The following RCC2 variants were observed in gnomAD, a reference collection of about 807,000 sequenced individuals.
The protein encoded by RCC2 is protein RCC2.
In RCC2, 19 loss-of-function variants were observed where a neutral mutation model predicts 64.1. The ratio of observed to expected loss-of-function variants is 0.30; its 90% CI spans 0.21 to 0.44. RCC2 has a LOEUF of 0.44. Ranked by LOEUF, RCC2 falls within the 20% of genes least tolerant of loss-of-function variation. The pLI is 1.00. For synonymous variants in RCC2, 325 were observed against 279.6 expected, an observed-to-expected ratio of 1.16 and a Z score of -1.62; for missense variants, 508 against 710.4, an observed-to-expected ratio of 0.72 and a Z score of 3.24.
At chr1:17,430,785 G>A (rs942707365) in intron 2 of RCC2, among the ~76,000 whole-genome samples, 1 of 151,784 alleles carries the variant, frequency 6.6e-6, no homozygotes, top group Non-Finnish European at 1.5e-5. Context: ...CTGGAGTGCA[G>A]TGGCGTGATC....
chr1:17,411,240 G>A (rs1466587860), intron 11 of RCC2, among the ~76,000 whole-genome samples: 1 of 151,976 alleles, frequency 6.6e-6, no homozygotes, highest in South Asian at 2.1e-4. Flanking sequence ...AGGCAGATCA[G>A]GATGCACTCC....
intron 8 of RCC2, among the ~76,000 whole-genome samples, chr1:17,415,355 T>C (rs796791025): frequency 3.3e-5 from 5 of 152,102 alleles, no homozygotes; most frequent in South Asian, 4.1e-4. Flanking sequence ...CAACAAAGCA[T>C]AGAACAAAGA....
At chr1:17,412,507 A>G (rs992765209) in intron 10 of RCC2, among the ~76,000 whole-genome samples, 4 of 152,242 alleles carry the variant, frequency 2.6e-5, no homozygotes, top group African/African-American at 9.6e-5. Context: ...AGATCAGGAT[A>G]AAGTGAAAGC....
rs771957549 is a variant in RCC2 at position 17,422,777 on chromosome 1, G to A, written c.583C>T (p.Leu195Phe). The change falls in exon 5 of 13, where the codon CTC becomes TTC. Residue 195 changes from leucine (L) to phenylalanine (F), a missense_variant. By Grantham distance (22) the Leu-to-Phe change is conservative (BLOSUM62 0). Around this residue, in one of 4 missense-constraint regions of RCC2, gnomAD observed 132 missense variants for 207.3 expected, o/e 0.64. Coordinates refer to ENST00000375436, the MANE Select transcript of RCC2 (RefSeq NM_018715.4). Reference protein sequence around the residue: ...GDTKRVEAPRLIEGLSHEVIV... With the variant: ...GDTKRVEAPRFIEGLSHEVIV... ...ACTTCGTGGCTAAGACCCTCGATGA[G>A]TCTAGGGGCTTCTACTCTCTTGGTG... is the stretch of plus-strand genomic sequence containing the variant. 5.6e-6 allele frequency: 9 copies of A among 1,613,944 alleles called. No homozygotes were observed. Among genetic ancestry groups the A allele is most frequent in the Non-Finnish European group, 6.8e-6 (8 of 1,179,948 alleles).
At chr1:17,415,403 G>A (rs531146293) in intron 8 of RCC2, among the ~76,000 whole-genome samples, 1 of 152,290 alleles carries the variant, frequency 6.6e-6, no homozygotes, top group East Asian at 1.9e-4. Context: ...ACCACAGGAA[G>A]GCCATTAAAA....
At chr1:17,435,791 G>A (rs1051289060) in intron 2 of RCC2, among the ~76,000 whole-genome samples, 2 of 152,028 alleles carry the variant, frequency 1.3e-5, no homozygotes, top group Non-Finnish European at 1.5e-5. Flanking sequence ...GGTGGTGGGC[G>A]TCTATAATCC....
chr1:17,437,041 T>C (rs560394787), intron 2 of RCC2, among the ~76,000 whole-genome samples: 8 of 152,324 alleles, frequency 5.3e-5, no homozygotes, highest in African/African-American at 1.9e-4. Flanking sequence ...ACAAAGCATA[T>C]TCCCATGTGC....
At chr1:17,431,378 A>G (rs1427022098) in intron 2 of RCC2, among the ~76,000 whole-genome samples, 7 of 109,276 alleles carry the variant, frequency 6.4e-5, no homozygotes, top group African/African-American at 2.4e-4. Flanking sequence ...ATATATATAT[A>G]TATGTGGGCT....
rs992452342 is a variant in RCC2 at position 17,407,564 on chromosome 1, G to A, written c.*1526C>T. On this transcript the variant is annotated 3_prime_UTR_variant, in exon 13 of 13. Transcript: ENST00000375436. ...TCTCCTCCCACAGGGCCTTGGGACT[G>A]GCAGGACAGACACTGCTACATGCCC... 1 of 152,606 alleles carries A rather than the reference G, an allele frequency of 6.6e-6. No individual in the cohort carries two copies. The highest frequency in any genetic ancestry group is 2.4e-5 in the African/African-American group (1 of 41,452). The allele number at this position is 152,606 out of a possible 1,614,324, so 9.5% of individuals were successfully genotyped here. A position where few individuals can be genotyped will look rare whatever the true frequency, so the allele number is the denominator to read the frequency against.
At chr1:17,415,886 T>C (rs1193473521) in intron 8 of RCC2, among the ~76,000 whole-genome samples, 1 of 151,248 alleles carries the variant, frequency 6.6e-6, no homozygotes, top group Admixed American at 6.6e-5. Context: ...CTGACCAACA[T>C]GGAGAAACCC....
At chr1:17,425,422 A>C in intron 4 of RCC2, 119 bp downstream of exon 4, 1 of 1,018,908 alleles carries the variant, frequency 9.8e-7, no homozygotes, top group Non-Finnish European at 1.4e-6. Flanking sequence ...ATGGGCTGTG[A>C]ACGAAGGAGC....
intron 12 of RCC2, 77 bp downstream of exon 12, chr1:17,409,897 G>A (rs932937450): frequency 1.2e-5 from 15 of 1,251,404 alleles, no homozygotes; most frequent in South Asian, 6.0e-5. Context: ...AACAGACTGC[G>A]ATGATCAAAA....
At chr1:17,431,164 C>G (rs192915867) in intron 2 of RCC2, among the ~76,000 whole-genome samples, 448 of 149,012 alleles carry the variant, frequency 3.0e-3, no homozygotes, top group African/African-American at 0.011. Flanking sequence ...AACCCCATCT[C>G]TACTAAAAAT....
intron 10 of RCC2, among the ~76,000 whole-genome samples, 170 bp downstream of exon 10, chr1:17,412,903 T>TCC (rs1473600444): frequency 1.3e-5 from 2 of 152,054 alleles, no homozygotes; most frequent in Admixed American, 1.3e-4. Flanking sequence ...ATGGGCCCTC[T>TCC]CCCCTCCTGT....
chr1:17,422,664 C>T (rs748952618), intron 5 of RCC2, 41 bp downstream of exon 5: 1 of 1,608,842 alleles, frequency 6.2e-7, no homozygotes. Flanking sequence ...CACCTGGCCT[C>T]TTGCCAAACT....
chr1:17,439,371 C>T (rs1391431991), intron 1 of RCC2, among the ~76,000 whole-genome samples, 174 bp downstream of exon 1: 1 of 147,692 alleles, frequency 6.8e-6, no homozygotes, highest in African/African-American at 2.5e-5. Context: ...AATGGGATCT[C>T]TGTCTGTCTC....
chr1:17,416,744 C>T (rs1201802127), intron 7 of RCC2, 98 bp from the exon 8 acceptor site: 4 of 1,286,798 alleles, frequency 3.1e-6, no homozygotes, highest in Admixed American at 5.2e-5. Flanking sequence ...GGCAGCACCC[C>T]AATCTGGCCC....
At position 17,438,488 on chromosome 1, in the gene RCC2, C is replaced by T. The variant is rs779376729; in HGVS notation, c.27G>A (p.Ala9=). The T allele has an allele frequency of 8.2e-6, 11 of 1,334,212 alleles. No individual in the cohort carries two copies. The East Asian group carries it at 3.1e-4, about 38-fold the overall frequency. 82.6% of individuals were successfully genotyped at this position (1,334,212 alleles called of 1,614,324 possible). ...TGCCCGAGCTCGGCTCCTCCCAGGC[C>T]GCCGCCGCCGCCTTCTTCCTGGGCA... MPRKKAAA[A]AWEEPSSGNG... is the part of the protein sequence containing the mutation. Residue 9 remains alanine (A), a synonymous_variant, in exon 2 of 13, where the codon GCG becomes GCA. Coordinates refer to ENST00000375436, the MANE Select transcript of RCC2 (RefSeq NM_018715.4).
intron 9 of RCC2, among the ~76,000 whole-genome samples, 154 bp downstream of exon 9, chr1:17,413,383 G>A (rs1012598467): frequency 1.3e-5 from 2 of 152,122 alleles, no homozygotes; most frequent in Admixed American, 1.3e-4. Context: ...CCAGGAGTTC[G>A]ACACCGGCCT....
Sources: gnomAD v4.1 joint callset for allele counts (sites outside exome capture counted in the v4.1 genomes callset) on GRCh38, gnomAD v4.1.1 for gene constraint, gnomAD v4.1.1 regional missense constraint, MANE v1.5 for transcripts, NCBI Gene and HGNC (gene_info 2026-07-23, HGNC 2026-07-21) for gene names.